Variants in SLC4A8 observed in about 807,000 individuals in gnomAD.
SLC4A8 encodes solute carrier family 4 member 8.
In SLC4A8, 40 loss-of-function variants were observed where a neutral mutation model predicts 125.0. That is an observed-to-expected ratio of 0.32 (90% CI 0.25 to 0.42). The LOEUF (loss-of-function observed/expected upper bound fraction) is 0.42. SLC4A8 is among the 10% of genes least tolerant of loss of function. SLC4A8 has a pLI of 1.00. For synonymous variants in SLC4A8, 456 were observed against 476.0 expected, an observed-to-expected ratio of 0.96 and a Z score of 0.55; for missense variants, 863 against 1,355.1, an observed-to-expected ratio of 0.64 and a Z score of 5.70.
intron 1 of SLC4A8, among the ~76,000 whole-genome samples, chr12:51,434,395 T>TA (rs1949335747): frequency 6.6e-6 from 1 of 152,182 alleles, no homozygotes; most frequent in African/African-American, 2.4e-5. Flanking sequence ...TGTAGTTTTT[T>TA]AAAAAATACT....
chr12:51,415,173 A>G (rs2137982251), intron 1 of SLC4A8, among the ~76,000 whole-genome samples: 1 of 151,450 alleles, frequency 6.6e-6, no homozygotes, highest in South Asian at 2.1e-4. Context: ...TGTGGTTTTT[A>G]CCATTGGAAA....
At chr12:51,488,885 G>A (rs781655052) in intron 18 of SLC4A8, 25 bp downstream of exon 18, 4 of 1,591,442 alleles carry the variant, frequency 2.5e-6, no homozygotes, top group Non-Finnish European at 2.6e-6. Flanking sequence ...TGACCTAGAA[G>A]GCTGCTGTGG....
chr12:51,406,222 A>T (rs1282264826), intron 1 of SLC4A8, among the ~76,000 whole-genome samples: 3 of 152,206 alleles, frequency 2.0e-5, no homozygotes, highest in African/African-American at 7.2e-5. Context: ...CTTTTTGTCT[A>T]ATGAGGGAGA....
At chr12:51,502,538 T>TTA (rs1717405603) in intron 22 of SLC4A8, among the ~76,000 whole-genome samples, 1 of 31,508 alleles carries the variant, frequency 3.2e-5, no homozygotes, top group South Asian at 9.5e-4. Flanking sequence ...GCCTGACCTC[T>TTA]TTTTTTTTTT....
upstream of SLC4A8, chr12:51,420,174 G>A (rs980952594): frequency 2.0e-5 from 3 of 152,114 alleles, no homozygotes; most frequent in Admixed American, 1.3e-4. Flanking sequence ...AGATCCCGAC[G>A]TCTTTTCCTC....
chr12:51,434,814 C>T (rs145783775), intron 1 of SLC4A8, among the ~76,000 whole-genome samples: 2,673 of 151,960 alleles, frequency 0.018, 35 homozygotes, highest in Non-Finnish European at 0.03. Context: ...AGTAGGGGAG[C>T]CAACATGAAT....
intron 2 of SLC4A8, among the ~76,000 whole-genome samples, chr12:51,445,210 C>T (rs1032175333): frequency 3.9e-5 from 6 of 152,124 alleles, no homozygotes; most frequent in African/African-American, 1.4e-4. Flanking sequence ...CTCACTCTGT[C>T]GCCCAGACTG....
intron 17 of SLC4A8, among the ~76,000 whole-genome samples, chr12:51,487,797 T>G (rs1345885304): frequency 6.6e-6 from 1 of 152,232 alleles, no homozygotes; most frequent in Non-Finnish European, 1.5e-5. Context: ...TGTTTCACTA[T>G]TGATGGGAGA....
At chr12:51,507,312 A>G in intron 24 of SLC4A8, 114 bp from the exon 25 acceptor site, 1 of 635,324 alleles carries the variant, frequency 1.6e-6, no homozygotes, top group Non-Finnish European at 2.5e-6. Context: ...CTACTTGTAA[A>G]TGAACTTAAA....
chr12:51,444,980 A>G (rs942901356), intron 2 of SLC4A8, among the ~76,000 whole-genome samples: 1 of 152,194 alleles, frequency 6.6e-6, no homozygotes, highest in Non-Finnish European at 1.5e-5. Flanking sequence ...TAGAGGTTCT[A>G]GCCTGGCTAG....
chr12:51,503,479 G>A (rs778606880), intron 22 of SLC4A8, among the ~76,000 whole-genome samples: 21 of 152,132 alleles, frequency 1.4e-4, no homozygotes, highest in Non-Finnish European at 2.8e-4. Flanking sequence ...CCAAAGTGCT[G>A]GGATTACAGG....
chr12:51,444,558 AT>A (rs1056800952), intron 2 of SLC4A8, among the ~76,000 whole-genome samples: 1 of 152,240 alleles, frequency 6.6e-6, no homozygotes, highest in African/African-American at 2.4e-5. Context: ...TCAAACCTAC[AT>A]AGTGGGAATT....
chr12:51,411,129 A>C (rs1948589989), intron 1 of SLC4A8, among the ~76,000 whole-genome samples: 2 of 150,172 alleles, frequency 1.3e-5, no homozygotes. Context: ...TTTTTTTATC[A>C]ATGGAGGTTA....
intron 1 of SLC4A8, chr12:51,391,737 G>A (rs967293654): frequency 6.6e-6 from 1 of 152,262 alleles, no homozygotes; most frequent in African/African-American, 2.4e-5. Flanking sequence ...TCCCTGGCCA[G>A]GTGCAGCGGG....
At chr12:51,427,026 T>C (rs7303193) in intron 1 of SLC4A8, among the ~76,000 whole-genome samples, 82,447 of 149,810 alleles carry the variant, frequency 0.55, 22,906 homozygotes, top group African/African-American at 0.62. Context: ...ACAAGCTCCG[T>C]CTCCCAGGTT....
intron 7 of SLC4A8, among the ~76,000 whole-genome samples, chr12:51,459,559 A>G (rs1439736541): frequency 6.6e-6 from 1 of 152,156 alleles, no homozygotes; most frequent in Non-Finnish European, 1.5e-5. Flanking sequence ...AAAATGACAT[A>G]TGAGTGTAAG....
chr12:51,507,304 A>C (rs989355455), intron 24 of SLC4A8, 122 bp from the exon 25 acceptor site: 1 of 572,248 alleles, frequency 1.7e-6, no homozygotes. Flanking sequence ...GAACTAGTCT[A>C]CTTGTAAATG....
intron 1 of SLC4A8, among the ~76,000 whole-genome samples, chr12:51,425,988 G>A (rs1948961713): frequency 6.6e-6 from 1 of 152,298 alleles, no homozygotes; most frequent in Non-Finnish European, 1.5e-5. Context: ...GCAATCAGAT[G>A]GTGTGGTTTC....
intron 1 of SLC4A8, among the ~76,000 whole-genome samples, chr12:51,412,389 T>G (rs1212103613): frequency 6.6e-6 from 1 of 152,232 alleles, no homozygotes; most frequent in Non-Finnish European, 1.5e-5. Flanking sequence ...TCAGGGTATT[T>G]AGGATATCCA....
Sources: allele counts gnomAD v4.1 joint callset (sites outside exome capture counted in the v4.1 genomes callset), GRCh38; gene constraint gnomAD v4.1.1; transcripts MANE v1.5; gene names NCBI Gene and HGNC (gene_info 2026-07-23, HGNC 2026-07-21).